GIPC2: variants seen among roughly 807,000 people sequenced by gnomAD.
GIPC2 encodes PDZ domain-containing protein GIPC2.
Under a neutral mutation model 30.6 loss-of-function variants are expected in GIPC2, and 30 were observed. The ratio of observed to expected loss-of-function variants is 0.98; its 90% CI spans 0.73 to 1.33. The LOEUF is 1.33. GIPC2 is among the 40% of genes most tolerant of loss of function. The pLI is 0.00. For synonymous variants in GIPC2, 167 were observed against 150.0 expected, an observed-to-expected ratio of 1.11 and a Z score of -0.83; for missense variants, 414 against 390.3, an observed-to-expected ratio of 1.06 and a Z score of -0.51.
chr1:78,105,826 A>G (rs1231313243), intron 3 of GIPC2, among the ~76,000 whole-genome samples: 3 of 152,256 alleles, frequency 2.0e-5, no homozygotes, highest in African/African-American at 7.2e-5. Flanking sequence ...TATTTTTACA[A>G]CGGGAATTGT....
intron 5 of GIPC2, among the ~76,000 whole-genome samples, chr1:78,131,612 A>G (rs1662900107): frequency 6.6e-6 from 1 of 152,240 alleles, no homozygotes; most frequent in South Asian, 2.1e-4. Flanking sequence ...ACCTTTATAA[A>G]AAGTGTTTTA....
chr1:78,094,878 C>A, intron 2 of GIPC2, 74 bp from the exon 3 acceptor site: 2 of 1,071,032 alleles, frequency 1.9e-6, no homozygotes, highest in East Asian at 2.4e-5. Context: ...TGCTTAGCTT[C>A]CAAGATCAGA....
intron 2 of GIPC2, chr1:78,091,657 G>A: frequency 1.3e-6 from 1 of 772,490 alleles, no homozygotes; most frequent in East Asian, 2.4e-5. Context: ...TATGGCATAT[G>A]GATCTTATTC....
At chr1:78,120,127 A>G (rs768921219) in intron 4 of GIPC2, among the ~76,000 whole-genome samples, 4 of 152,244 alleles carry the variant, frequency 2.6e-5, no homozygotes, top group Admixed American at 2.6e-4. Context: ...AAGAGAAATT[A>G]TGTCACTTTT....
intron 1 of GIPC2, among the ~76,000 whole-genome samples, chr1:78,076,656 G>A (rs1661722371): frequency 6.6e-6 from 1 of 152,176 alleles, no homozygotes; most frequent in Admixed American, 6.5e-5. Flanking sequence ...TGTGTGGCCT[G>A]GTTCCTAACA....
intron 3 of GIPC2, among the ~76,000 whole-genome samples, chr1:78,100,648 G>A (rs908274691): frequency 6.6e-6 from 1 of 152,076 alleles, no homozygotes; most frequent in Non-Finnish European, 1.5e-5. Flanking sequence ...TGTACAAAAG[G>A]GCTGGGTGCG....
In GIPC2 at chr1:78,095,235, G is replaced by A; in HGVS notation, c.607+103G>A. 5.6e-6 allele frequency: 4 copies of A among 717,718 alleles called. No individual in the cohort carries two copies. The South Asian group carries it at 8.3e-5, about 15-fold the overall frequency. 44.5% of individuals were successfully genotyped at this position (717,718 alleles called of 1,614,324 possible). On this transcript the variant is annotated intron_variant, in intron 3 of 5. Transcript: ENST00000370759. ...TGATATGGTGCTATGTGCTTTTAGT[G>A]TCTTCTTATCTAACATATCAGTTAA...
upstream of GIPC2, among the ~76,000 whole-genome samples, chr1:78,045,297 G>A (rs145117615): frequency 5.3e-5 from 8 of 152,300 alleles, no homozygotes; most frequent in African/African-American, 1.9e-4. Context: ...AAGCGTAGTT[G>A]GAGGGGACTG....
chr1:78,105,156 A>G (rs112927599), intron 3 of GIPC2, among the ~76,000 whole-genome samples: 1 of 152,158 alleles, frequency 6.6e-6, no homozygotes, highest in African/African-American at 2.4e-5. Context: ...TTGCATTAAA[A>G]TTTTTTTTAT....
chr1:78,113,626 T>G (rs1323095245), intron 3 of GIPC2, among the ~76,000 whole-genome samples: 1 of 152,176 alleles, frequency 6.6e-6, no homozygotes, highest in African/African-American at 2.4e-5. Context: ...TGGGCTCAAG[T>G]GATCCGCCAC....
rs1395694273 is a variant in GIPC2, at chr1:78,046,301, G to A, written c.207G>A (p.Gln69=). ...GFSSIQELYA[Q]IAGAFEISPS... is the part of the protein sequence containing the mutation. ...CCAGCATCCAGGAGCTCTACGCCCA[G>A]ATCGCGGGCGCGTTTGAAATCTCGC... Residue 69 remains glutamine (Q), a synonymous_variant, in exon 1 of 6, where the codon CAG becomes CAA. Coordinates refer to ENST00000370759, the MANE Select transcript of GIPC2 (RefSeq NM_017655.6). 3.7e-6 allele frequency: 6 copies of A among 1,611,606 alleles called. No homozygotes were observed. Among genetic ancestry groups the A allele is most frequent in the Non-Finnish European group, 5.1e-6 (6 of 1,179,570 alleles).
rs891428513 is a variant in GIPC2, at chr1:78,135,634, A to G, written c.839A>G (p.Asp280Gly). 3.1e-6 allele frequency: 5 copies of G among 1,605,340 alleles called. No individual in the cohort carries two copies. The highest frequency in any genetic ancestry group is 3.4e-5 in the Admixed American group (2 of 59,426). ...FEAGKDKVNP[D>G]EFAVALDETL... ...GCTGGAAAGGACAAAGTAAATCCAG[A>G]TGAATTTGCTGTGGCACTTGACGAA... Residue 280 changes from aspartate to glycine, a missense_variant, in exon 6 of 6, where the codon GAT (aspartate) becomes GGT (glycine). By Grantham distance (94) the Asp-to-Gly change is moderately conservative. Coordinates refer to ENST00000370759, the MANE Select transcript of GIPC2 (RefSeq NM_017655.6).
chr1:78,120,994 A>G (rs1441974505), intron 4 of GIPC2, among the ~76,000 whole-genome samples: 2 of 152,190 alleles, frequency 1.3e-5, no homozygotes, highest in Non-Finnish European at 2.9e-5. Flanking sequence ...AGCACCTAGA[A>G]TAGGACCTGA....
chr1:78,080,966 G>C, intron 2 of GIPC2, 106 bp downstream of exon 2: 1 of 524,710 alleles, frequency 1.9e-6, no homozygotes, highest in South Asian at 4.0e-5. Context: ...AGCCCGCTCA[G>C]CAAGGATGCA....
chr1:78,096,395 T>C (rs1165054920), intron 3 of GIPC2, among the ~76,000 whole-genome samples: 2 of 152,200 alleles, frequency 1.3e-5, no homozygotes, highest in African/African-American at 4.8e-5. Flanking sequence ...TTAGACTCTT[T>C]GTAAATCAAA....
At chr1:78,094,459 G>T (rs1399677993) in intron 2 of GIPC2, among the ~76,000 whole-genome samples, 1 of 152,204 alleles carries the variant, frequency 6.6e-6, no homozygotes, top group Non-Finnish European at 1.5e-5. Flanking sequence ...CCTGTGACAT[G>T]AGAATCTCAT....
Position 78,046,248 on chromosome 1 carries a change from A to G in GIPC2, c.154A>G (p.Ser52Gly), listed in dbSNP as rs1024053954. ...CTTCCACGCGCAGCTGGCGCACGGTAGTGCCACGGGCCGAGTGGAGGGCTT... is the reference window on the plus strand; with the variant it reads ...CTTCCACGCGCAGCTGGCGCACGGTGGTGCCACGGGCCGAGTGGAGGGCTT... ...LVFHAQLAHG[S>G]ATGRVEGFSS... Residue 52 changes from serine to glycine, a missense_variant, in exon 1 of 6, where the codon AGT (serine) becomes GGT (glycine). Transcript: ENST00000370759. 3 of 1,609,848 alleles carry G rather than the reference A, an allele frequency of 1.9e-6. No homozygotes were observed. The highest frequency in any genetic ancestry group is 2.5e-6 in the Non-Finnish European group (3 of 1,178,760).
chr1:78,099,878 G>C (rs1350643407), intron 3 of GIPC2, among the ~76,000 whole-genome samples: 1 of 151,628 alleles, frequency 6.6e-6, no homozygotes, highest in Non-Finnish European at 1.5e-5. Flanking sequence ...ATAGCATCAT[G>C]TATTTGGGAA....
chr1:78,093,465 C>A (rs586680), intron 2 of GIPC2, among the ~76,000 whole-genome samples: 83 of 152,094 alleles, frequency 5.5e-4, no homozygotes, highest in Non-Finnish European at 9.4e-4. Flanking sequence ...ATGTTAACAG[C>A]CACTATTAGA....
Sources: gnomAD v4.1 joint callset for allele counts (sites outside exome capture counted in the v4.1 genomes callset) on GRCh38, gnomAD v4.1.1 for gene constraint, MANE v1.5 for transcripts, NCBI Gene and HGNC (gene_info 2026-07-23, HGNC 2026-07-21) for gene names.